UPF2: variants seen among roughly 807,000 people sequenced by gnomAD.
The protein encoded by UPF2 is UPF2 regulator of nonsense mediated mRNA decay.
UPF2 carries 17 observed loss-of-function variants against 141.4 expected under a neutral mutation model. The ratio of observed to expected loss-of-function variants is 0.12; its 90% CI spans 0.08 to 0.18. The LOEUF (loss-of-function observed/expected upper bound fraction) is 0.18. Among genes scored for constraint, UPF2 ranks in the 10% least tolerant of loss-of-function variants. The pLI is 1.00. For synonymous variants in UPF2, 540 were observed against 498.0 expected, an observed-to-expected ratio of 1.08 and a Z score of -1.12; for missense variants, 1,152 against 1,515.9, an observed-to-expected ratio of 0.76 and a Z score of 3.99.
At chr10:12,028,701 G>A in intron 3 of UPF2, 44 bp downstream of exon 3, 1 of 1,524,896 alleles carries the variant, frequency 6.6e-7, no homozygotes, top group Non-Finnish European at 8.8e-7. Flanking sequence ...TTAAGTATGA[G>A]CTCCAAAATA....
chr10:11,932,152 T>TA (rs58896069), intron 19 of UPF2, among the ~76,000 whole-genome samples: 12,498 of 143,186 alleles, frequency 0.087, 657 homozygotes, highest in Non-Finnish European at 0.13. Flanking sequence ...CCAACTCAAT[T>TA]AAAAAAAAAA....
chr10:12,038,399 C>T (rs1176101917), intron 1 of UPF2, among the ~76,000 whole-genome samples: 1 of 149,110 alleles, frequency 6.7e-6, no homozygotes, highest in Non-Finnish European at 1.5e-5. Context: ...CACACACACA[C>T]ACACACACAC....
At chr10:12,027,346 C>A (rs545741423) in intron 3 of UPF2, among the ~76,000 whole-genome samples, 1 of 152,256 alleles carries the variant, frequency 6.6e-6, no homozygotes, top group Non-Finnish European at 1.5e-5. Context: ...AATACACACA[C>A]ATACACCCTC....
At chr10:12,002,298 G>A (rs866109809) in intron 5 of UPF2, among the ~76,000 whole-genome samples, 4 of 152,266 alleles carry the variant, frequency 2.6e-5, no homozygotes, top group South Asian at 4.1e-4. Context: ...TATGCTCATT[G>A]AGAACGAAGG....
intron 8 of UPF2, among the ~76,000 whole-genome samples, chr10:11,990,837 T>C (rs1035534753): frequency 6.8e-6 from 1 of 147,894 alleles, no homozygotes; most frequent in Non-Finnish European, 1.5e-5. Flanking sequence ...AAATACAAAA[T>C]ATTAGCTGGG....
At chr10:12,011,190 G>A (rs996683995) in intron 4 of UPF2, among the ~76,000 whole-genome samples, 38 of 152,268 alleles carry the variant, frequency 2.5e-4, no homozygotes, top group Middle Eastern at 6.8e-3. Flanking sequence ...ACAGGGTCTC[G>A]CTATGTTACC....
At chr10:12,005,894 A>G (rs1020276364) in intron 4 of UPF2, among the ~76,000 whole-genome samples, 13 of 149,852 alleles carry the variant, frequency 8.7e-5, no homozygotes, top group African/African-American at 3.2e-4. Context: ...TATTTTTTTG[A>G]ATTGAGACAG....
intron 7 of UPF2, among the ~76,000 whole-genome samples, 174 bp from the exon 8 acceptor site, chr10:11,997,931 A>G (rs1419812188): frequency 6.6e-6 from 1 of 152,236 alleles, no homozygotes; most frequent in African/African-American, 2.4e-5. Context: ...TAGCAAGAAT[A>G]GTTACCAAGA....
At chr10:11,966,642 T>G (rs1381507499) in intron 10 of UPF2, among the ~76,000 whole-genome samples, 2 of 152,220 alleles carry the variant, frequency 1.3e-5, no homozygotes, top group Non-Finnish European at 2.9e-5. Flanking sequence ...CAGGCTGGTC[T>G]CGAACTCCCG....
At chr10:11,944,214 A>G (rs575593186) in intron 16 of UPF2, among the ~76,000 whole-genome samples, 5 of 152,292 alleles carry the variant, frequency 3.3e-5, no homozygotes, top group African/African-American at 1.2e-4. Context: ...ACGTATACCA[A>G]TGGTCGGCGC....
chr10:11,987,860 A>C (rs1833719522), intron 8 of UPF2, among the ~76,000 whole-genome samples: 1 of 151,840 alleles, frequency 6.6e-6, no homozygotes, highest in Non-Finnish European at 1.5e-5. Context: ...GGAAGAATGC[A>C]ACTGAAAGTT....
At chr10:12,037,020 C>T (rs11813154) in intron 1 of UPF2, among the ~76,000 whole-genome samples, 329 of 151,722 alleles carry the variant, frequency 2.2e-3, no homozygotes, top group African/African-American at 7.6e-3. Context: ...GACAAAACTC[C>T]GCCTCAAGAA....
At chr10:12,038,702 C>G (rs1194066527) in intron 1 of UPF2, among the ~76,000 whole-genome samples, 2 of 151,836 alleles carry the variant, frequency 1.3e-5, no homozygotes, top group Non-Finnish European at 2.9e-5. Context: ...GCACTCCAGT[C>G]TGGGCAAAAG....
chr10:12,014,105 G>A lies in UPF2; in HGVS notation c.1225C>T (p.Leu409=). 6.3e-7 allele frequency: 1 copy of A among 1,596,846 alleles called. No individual in the cohort carries two copies. The highest frequency in any genetic ancestry group is 1.1e-5 in the South Asian group (1 of 88,330). ...GCTAAGGATTGAGAATTTGCCAGCAGCTTCTGGTAAGACATAGCAAATTCC... is the reference window on the plus strand; with the variant it reads ...GCTAAGGATTGAGAATTTGCCAGCAACTTCTGGTAAGACATAGCAAATTCC... ...YEEFAMSYQK[L]LANSQSLADL... The change falls in exon 4 of 22, where the codon CTG becomes TTG. Residue 409 remains leucine (L), a synonymous_variant. Transcript: ENST00000357604. The surrounding 1 kb of genome is among the most constrained non-coding windows in gnomAD (Gnocchi z 5.0).
intron 8 of UPF2, among the ~76,000 whole-genome samples, chr10:11,981,030 A>C (rs769730308): frequency 1.3e-5 from 2 of 152,042 alleles, no homozygotes; most frequent in African/African-American, 4.8e-5. Context: ...CTCTACTAAA[A>C]ATACAAAATT....
In UPF2 at chr10:11,959,497, C is replaced by T; in HGVS notation, c.2185-141G>A. 1 of 833,308 alleles carries T rather than the reference C, an allele frequency of 1.2e-6. No individual in the cohort carries two copies. The highest frequency in any genetic ancestry group is 1.7e-6 in the Non-Finnish European group (1 of 573,296). The allele number at this position is 833,308 out of a possible 1,614,324, so 51.6% of individuals were successfully genotyped here. ...AGAAAGGACTGGGCACTGTGGCTCA[C>T]ACCTATAATCCCAGCACTTTGGGAG... On this transcript the variant is annotated intron_variant, in intron 11 of 21. Coordinates refer to ENST00000357604, the MANE Select transcript of UPF2 (RefSeq NM_015542.4). This position sits in a 1 kb window ranked among gnomAD's most constrained non-coding sequence, Gnocchi z 5.9.
chr10:11,921,303 G>A lies in UPF2; in HGVS notation c.3814C>T (p.Arg1272Cys), dbSNP rs1564331434. ...DLIFKTGGRR[R>C] ...AAATGACACGTGCTGCTGGATCAAC[G>A]TCTCCTAAAGGAACAAACAGGGTCA... Residue 1272 changes from arginine to cysteine, a missense_variant, in exon 22 of 22, where the codon CGT becomes TGT. By Grantham distance (180) the Arg-to-Cys change is radical. This residue lies in a region of UPF2 where 66 missense variants were observed against 123.5 expected (regional missense o/e 0.53). Transcript: ENST00000357604. The surrounding 1 kb of genome is among the most constrained non-coding windows in gnomAD (Gnocchi z 5.9). 6 of 1,614,078 alleles carry A rather than the reference G, an allele frequency of 3.7e-6. No homozygotes were observed. Among genetic ancestry groups the A allele is most frequent in the African/African-American group, 1.3e-5 (1 of 75,006 alleles).
chr10:11,963,910 T>G, intron 11 of UPF2, 99 bp downstream of exon 11: 1 of 779,130 alleles, frequency 1.3e-6, no homozygotes, highest in East Asian at 2.6e-5. Flanking sequence ...TGTATTCATA[T>G]GAAAGAATAA....
intron 18 of UPF2, among the ~76,000 whole-genome samples, chr10:11,942,200 G>T (rs928537708): frequency 6.6e-6 from 1 of 151,944 alleles, no homozygotes; most frequent in Admixed American, 6.6e-5. Context: ...ACGGTAAAAC[G>T]CTGTCTCTAC....
Sources: allele counts gnomAD v4.1 joint callset (sites outside exome capture counted in the v4.1 genomes callset), GRCh38; gene constraint gnomAD v4.1.1; regional missense constraint gnomAD v4.1.1; non-coding constraint Gnocchi (gnomAD v3.1); transcripts MANE v1.5; gene names NCBI Gene and HGNC (gene_info 2026-07-23, HGNC 2026-07-21).